SRCIN1: variants seen among roughly 807,000 people sequenced by gnomAD.
SRCIN1 encodes P130Cas-associated protein.
SRCIN1 carries 50 observed loss-of-function variants against 116.2 expected under a neutral mutation model. The observed-to-expected ratio is 0.43, with a 90% CI of 0.34 to 0.54. The LOEUF is 0.54. Among genes scored for constraint, SRCIN1 ranks in the 20% least tolerant of loss-of-function variants. The probability of loss-of-function intolerance (pLI) is 0.02; values close to 1 mark genes in which losing one functional copy is unlikely to be tolerated. For missense variants in SRCIN1, 1,446 were observed against 1,672.0 expected (o/e 0.86, Z 2.36); for synonymous variants, 736 against 750.0 (o/e 0.98, Z 0.30).
In SRCIN1 at chr17:38,568,120, C is replaced by A. The variant is rs1906840495; in HGVS notation, c.345+91G>T. ...CAGAAGGTGTCCGTGCAGATGCGCA[C>A]CCCGGTGCAAAGCCTGTGCAAGGGA... On this transcript the variant is annotated intron_variant, in intron 3 of 18. Transcript: ENST00000617146. This position sits in a 1 kb window ranked among gnomAD's most constrained non-coding sequence, Gnocchi z 4.5. 15 of 1,507,500 alleles carry A rather than the reference C, an allele frequency of 1.0e-5. No homozygotes were observed. The highest frequency in any genetic ancestry group is 1.3e-5 in the Non-Finnish European group (14 of 1,092,384). The allele number at this position is 1,507,500 out of a possible 1,614,324, so 93.4% of individuals were successfully genotyped here. A position where few individuals can be genotyped will look rare whatever the true frequency, so the allele number is the denominator to read the frequency against.
intron 17 of SRCIN1, among the ~76,000 whole-genome samples, chr17:38,546,933 T>C (rs1310962627): frequency 1.3e-5 from 2 of 152,136 alleles, no homozygotes; most frequent in African/African-American, 2.4e-5. Flanking sequence ...TGCCTCAACC[T>C]GACCTGGCAG....
chr17:38,565,917 G>A (rs910484698), intron 3 of SRCIN1, among the ~76,000 whole-genome samples: 3 of 152,152 alleles, frequency 2.0e-5, no homozygotes, highest in Admixed American at 6.5e-5. Flanking sequence ...GCTTGTGACC[G>A]AGAGGCTATG....
At chr17:38,574,184 T>G (rs983650601) in intron 2 of SRCIN1, among the ~76,000 whole-genome samples, 1 of 152,176 alleles carries the variant, frequency 6.6e-6, no homozygotes. Flanking sequence ...CCCCTTCCCA[T>G]TGCAACTCTG....
In SRCIN1 at chr17:38,558,407, G is replaced by A. The variant is rs778919140; in HGVS notation, c.2026-5C>T. 1.3e-6 allele frequency: 2 copies of A among 1,591,378 alleles called. No individual in the cohort carries two copies. Among genetic ancestry groups the A allele is most frequent in the East Asian group, 2.3e-5 (1 of 43,976 alleles). ...CACCGACTCCTGGTTCTGTAGCTGC[G>A]GGACGCACGGACGGATGGACCCGGG... On this transcript the variant is annotated splice_polypyrimidine_tract_variant and splice_region_variant and intron_variant, in intron 10 of 18. Coordinates refer to ENST00000617146, the MANE Select transcript of SRCIN1 (RefSeq NM_025248.3). The surrounding 1 kb of genome is among the most constrained non-coding windows in gnomAD (Gnocchi z 4.6).
intron 15 of SRCIN1, among the ~76,000 whole-genome samples, chr17:38,550,363 A>G (rs1905309744): frequency 6.6e-6 from 1 of 152,066 alleles, no homozygotes; most frequent in South Asian, 2.1e-4. Context: ...GGCGTGGTGC[A>G]GGCGCCTGTA....
rs1211655772 is a variant in SRCIN1, at chr17:38,578,694, C to G, written c.120G>C (p.Gly40=). ...GCCCCACGTTGGAGAAGCGCCGGCC[C>G]CCGCTGCCCCCGCCGCCCCCGCCCC... The part of the protein sequence containing the change: ...TLGGGGGGGS[G]GRRFSNVGLV... Residue 40 remains glycine (G), a synonymous_variant, in exon 2 of 19, where the codon GGG becomes GGC. Transcript: ENST00000617146. 4 of 1,538,740 alleles carry G rather than the reference C, an allele frequency of 2.6e-6. No homozygotes were observed. In the Admixed American group the frequency reaches 7.9e-5, roughly 30 times the overall value.
chr17:38,593,215 T>C (rs73982842), intron 1 of SRCIN1, among the ~76,000 whole-genome samples: 2,493 of 152,142 alleles, frequency 0.016, 58 homozygotes, highest in African/African-American at 0.056. Flanking sequence ...GAAGAGGAGC[T>C]GAGCCACAGA....
At chr17:38,571,364 C>T (rs547614282) in intron 2 of SRCIN1, among the ~76,000 whole-genome samples, 28 of 152,232 alleles carry the variant, frequency 1.8e-4, no homozygotes, top group Non-Finnish European at 2.4e-4. Flanking sequence ...AAAATAGGAC[C>T]GAGCCATGGG....
intron 18 of SRCIN1, among the ~76,000 whole-genome samples, chr17:38,543,421 GA>G (rs990007342): frequency 7.9e-5 from 12 of 152,220 alleles, no homozygotes; most frequent in Admixed American, 4.6e-4. Context: ...GCAGGAAGCA[GA>G]GGGCCACAAA....
rs776677424 is a variant in SRCIN1 at position 38,552,493 on chromosome 17, G to C, written c.2434C>G (p.Leu812Val). 6.2e-7 allele frequency: 1 copy of C among 1,604,536 alleles called. No homozygotes were observed. The highest frequency in any genetic ancestry group is 1.3e-5 in the African/African-American group (1 of 74,660). Residue 812 changes from leucine to valine, a missense_variant, in exon 13 of 19, where the codon CTC becomes GTC. Physicochemically the swap from Leu to Val is conservative, Grantham distance 32 (BLOSUM62 1). Coordinates refer to ENST00000617146, the MANE Select transcript of SRCIN1 (RefSeq NM_025248.3). This position sits in a 1 kb window ranked among gnomAD's most constrained non-coding sequence, Gnocchi z 5.3. Reference sequence around the variant, plus strand: ...TCCGTGACCCCGCGGCAGCGCTTGAGGAGCCCATCCAGGCGCTGGGGCTCC... The same window carrying C: ...TCCGTGACCCCGCGGCAGCGCTTGACGAGCCCATCCAGGCGCTGGGGCTCC... Reference protein sequence around the residue: ...KEEPQRLDGLLKRCRGVTDTL... With the variant: ...KEEPQRLDGLVKRCRGVTDTL...
rs12949774 is a variant in SRCIN1, at chr17:38,580,094, A to T, written c.23-1303T>A. Among the ~76,000 whole-genome samples the T allele has an allele frequency of 9.7e-3, 1,470 of 152,284 alleles. 13 individuals are homozygous for T. Among genetic ancestry groups the T allele is most frequent in the Non-Finnish European group, 0.015 (1,001 of 68,002 alleles). On this transcript the variant is annotated intron_variant, in intron 1 of 18. Transcript: ENST00000617146. ...TGACTCATAGGGCTCCTCCAAGGGCAGCCCAGGGCAACAGGGGACGCGGCT... is the reference window on the plus strand; with the variant it reads ...TGACTCATAGGGCTCCTCCAAGGGCTGCCCAGGGCAACAGGGGACGCGGCT...
intron 10 of SRCIN1, chr17:38,559,347 G>C (rs1480143538): frequency 1.8e-6 from 1 of 555,172 alleles, no homozygotes; most frequent in Non-Finnish European, 3.1e-6. Flanking sequence ...GCTCAATGAG[G>C]GGGTCACGGG....
chr17:38,562,059 G>T lies in SRCIN1; in HGVS notation c.1104C>A (p.Ile368=), dbSNP rs1567865345. The T allele has an allele frequency of 2.0e-6, 3 of 1,488,448 alleles. No individual in the cohort carries two copies. In the East Asian group the frequency reaches 8.6e-5, roughly 43 times the overall value. 92.2% of individuals were successfully genotyped at this position (1,488,448 alleles called of 1,614,324 possible). A position where few individuals can be genotyped will look rare whatever the true frequency, so the allele number is the denominator to read the frequency against. The part of the protein sequence containing the change: ...AQGVSPSPSA[I]LERRDVKPDE... ...CCGGCTTCACGTCGCGCCGCTCCAG[G>T]ATGGCGCTGGGGCTGGGGCTGACGC... is the stretch of plus-strand genomic sequence containing the variant. The change falls in exon 7 of 19, where the codon ATC becomes ATA. Residue 368 remains isoleucine (I), a synonymous_variant. Transcript: ENST00000617146. This position sits in a 1 kb window ranked among gnomAD's most constrained non-coding sequence, Gnocchi z 4.2.
At chr17:38,565,017 G>A (rs1906589176) in intron 3 of SRCIN1, among the ~76,000 whole-genome samples, 1 of 152,184 alleles carries the variant, frequency 6.6e-6, no homozygotes, top group Non-Finnish European at 1.5e-5. Flanking sequence ...CAAGGCACAT[G>A]CTGCCACACA....
rs1410615225 is a variant in SRCIN1, at chr17:38,558,598, G to A, written c.2026-196C>T. On this transcript the variant is annotated intron_variant, in intron 10 of 18. Coordinates refer to ENST00000617146, the MANE Select transcript of SRCIN1 (RefSeq NM_025248.3). The surrounding 1 kb of genome is among the most constrained non-coding windows in gnomAD (Gnocchi z 4.6). ...GCAGGGGCGGGATGGCGAAGGGCAG[G>A]GGCAGAGGGCTAAGTTCTGGGGAAG... 6.6e-6 allele frequency among the ~76,000 whole-genome samples: 1 copy of A among 152,216 alleles called. No homozygotes were observed. The highest frequency in any genetic ancestry group is 2.4e-5 in the African/African-American group (1 of 41,460).
intron 1 of SRCIN1, among the ~76,000 whole-genome samples, chr17:38,593,461 G>A (rs1214046883): frequency 6.6e-6 from 1 of 151,870 alleles, no homozygotes; most frequent in East Asian, 1.9e-4. Context: ...GAAGGCGGAG[G>A]GGAAGGGAGG....
Position 38,558,436 on chromosome 17 carries a change from G to T in SRCIN1, c.2026-34C>A. 1 of 1,555,918 alleles carries T rather than the reference G, an allele frequency of 6.4e-7. No homozygotes were observed. The highest frequency in any genetic ancestry group is 1.1e-5 in the South Asian group (1 of 87,020). ...CGCACGGACGGATGGACCCGGGTGG[G>T]GGGAGCGGAGCCGCGAGGCAGGGGA... On this transcript the variant is annotated intron_variant, in intron 10 of 18. Coordinates refer to ENST00000617146, the MANE Select transcript of SRCIN1 (RefSeq NM_025248.3). The surrounding 1 kb of genome is among the most constrained non-coding windows in gnomAD (Gnocchi z 4.6).
chr17:38,605,990 C>A (rs1422166375), upstream of SRCIN1: 2 of 135,836 alleles, frequency 1.5e-5, no homozygotes, highest in Non-Finnish European at 3.2e-5. Context: ...TCACTGCGGG[C>A]GGGCGCGCGC....
At position 38,544,648 on chromosome 17, in the gene SRCIN1, G is replaced by T. The variant is rs1904967577; in HGVS notation, c.3271-679C>A. 6.6e-6 allele frequency: 1 copy of T among 152,192 alleles called. No homozygotes were observed. Among genetic ancestry groups the T allele is most frequent in the Non-Finnish European group, 1.5e-5 (1 of 68,064 alleles). 9.4% of individuals were successfully genotyped at this position (152,192 alleles called of 1,614,324 possible). A position where few individuals can be genotyped will look rare whatever the true frequency, so the allele number is the denominator to read the frequency against. The stretch of plus-strand genomic sequence containing the variant: ...GCAGAAGGGGGAGGCCCTGGTTCTT[G>T]CCAAGGCTGGGGATTGGCCGGCCCC... On this transcript the variant is annotated intron_variant, in intron 17 of 18. Transcript: ENST00000617146. This position sits in a 1 kb window ranked among gnomAD's most constrained non-coding sequence, Gnocchi z 4.5.
Sources: allele counts gnomAD v4.1 joint callset (sites outside exome capture counted in the v4.1 genomes callset), GRCh38; gene constraint gnomAD v4.1.1; non-coding constraint Gnocchi (gnomAD v3.1); transcripts MANE v1.5; gene names NCBI Gene and HGNC (gene_info 2026-07-23, HGNC 2026-07-21).